NDST4: variants seen among roughly 807,000 people sequenced by gnomAD.
NDST4 encodes N-heparan sulfate sulfotransferase 4.
A neutral mutation model predicts 100.8 loss-of-function variants in NDST4; 63 were observed. The ratio of observed to expected loss-of-function variants is 0.62; its 90% confidence interval spans 0.51 to 0.77. The LOEUF is 0.77. NDST4 is among the 30% of genes least tolerant of loss of function. The pLI, the probability that NDST4 is intolerant of heterozygous loss-of-function variation, is 0.00. For synonymous variants in NDST4, 377 were observed against 361.8 expected (o/e 1.04, Z -0.48); for missense variants, 943 against 1,018.4 (o/e 0.93, Z 1.01).
chr4:114,889,018 G>A (rs1440674229), intron 6 of NDST4, among the ~76,000 whole-genome samples: 1 of 151,694 alleles, frequency 6.6e-6, no homozygotes, highest in Non-Finnish European at 1.5e-5. Flanking sequence ...ATCCCTGCCA[G>A]CTATCAGTTC....
At chr4:115,051,776 A>G (rs1252443316) in intron 2 of NDST4, among the ~76,000 whole-genome samples, 1 of 152,150 alleles carries the variant, frequency 6.6e-6, no homozygotes, top group Admixed American at 6.6e-5. Flanking sequence ...ATATATACCC[A>G]GTAGTGGAAG....
At chr4:115,056,354 T>C (rs1024928065) in intron 2 of NDST4, among the ~76,000 whole-genome samples, 3 of 152,094 alleles carry the variant, frequency 2.0e-5, no homozygotes, top group Non-Finnish European at 4.4e-5. Context: ...AAAACATTTA[T>C]AGTATTAGCT....
intron 6 of NDST4, among the ~76,000 whole-genome samples, chr4:114,930,326 A>AG (rs1254412173): frequency 1.3e-5 from 2 of 152,232 alleles, no homozygotes; most frequent in Non-Finnish European, 1.5e-5. Flanking sequence ...CAAAGATCAC[A>AG]GAGCATCCAT....
intron 6 of NDST4, among the ~76,000 whole-genome samples, chr4:114,911,323 G>T (rs549564077): frequency 2.0e-5 from 3 of 152,100 alleles, no homozygotes; most frequent in Non-Finnish European, 4.4e-5. Context: ...TATGCCAATT[G>T]CTACTCTTTG....
At chr4:114,995,621 G>T (rs1727142284) in intron 2 of NDST4, among the ~76,000 whole-genome samples, 1 of 152,020 alleles carries the variant, frequency 6.6e-6, no homozygotes, top group African/African-American at 2.4e-5. Flanking sequence ...TGATACTTCT[G>T]TGGGAATTTT....
chr4:114,921,744 G>A (rs1725291139), intron 6 of NDST4, among the ~76,000 whole-genome samples: 1 of 152,090 alleles, frequency 6.6e-6, no homozygotes, highest in Non-Finnish European at 1.5e-5. Flanking sequence ...GATTTTCTGA[G>A]TTTGGGTTAT....
At chr4:115,066,052 G>T (rs1728938698) in intron 2 of NDST4, among the ~76,000 whole-genome samples, 2 of 152,214 alleles carry the variant, frequency 1.3e-5, no homozygotes, top group South Asian at 4.1e-4. Flanking sequence ...CTGTCACCCT[G>T]TCTTGGTCCC....
chr4:114,903,796 T>A (rs60317201), intron 6 of NDST4, among the ~76,000 whole-genome samples: 1 of 152,036 alleles, frequency 6.6e-6, no homozygotes, highest in Non-Finnish European at 1.5e-5. Context: ...ACATAGGCAC[T>A]ATTTTTAATA....
intron 6 of NDST4, among the ~76,000 whole-genome samples, chr4:114,904,709 T>A (rs1724914305): frequency 6.6e-6 from 1 of 151,918 alleles, no homozygotes; most frequent in African/African-American, 2.4e-5. Context: ...GAGTTTTTTT[T>A]ACAGGGAATA....
chr4:114,986,992 A>T lies in NDST4; in HGVS notation c.979-9718T>A, dbSNP rs115320937. Among the ~76,000 whole-genome samples, 1,105 of 151,650 alleles carry T rather than the reference A, an allele frequency of 7.3e-3. 11 individuals carry two copies. The highest frequency in any genetic ancestry group is 0.026 in the African/African-American group (1,056 of 41,376). Reference sequence around the variant, plus strand: ...AAAAGCTTCTTATAAGATAATCACAAAAATAACTCATATTTCCTAAAGGCA... The same window carrying T: ...AAAAGCTTCTTATAAGATAATCACATAAATAACTCATATTTCCTAAAGGCA... On this transcript the variant is annotated intron_variant, in intron 2 of 13. Transcript: ENST00000264363.
intron 2 of NDST4, among the ~76,000 whole-genome samples, chr4:115,015,790 A>C (rs76144590): frequency 6.6e-6 from 1 of 151,972 alleles, no homozygotes. Context: ...CCACGGGCTC[A>C]GCAATATGGA....
chr4:114,835,579 A>T (rs1723290645), intron 11 of NDST4, among the ~76,000 whole-genome samples: 1 of 152,198 alleles, frequency 6.6e-6, no homozygotes, highest in Non-Finnish European at 1.5e-5. Flanking sequence ...GGTGTGGAGA[A>T]GAATGTATAT....
At chr4:115,101,192 G>C (rs1729722070) in intron 1 of NDST4, among the ~76,000 whole-genome samples, 1 of 152,028 alleles carries the variant, frequency 6.6e-6, no homozygotes, top group Admixed American at 6.6e-5. Context: ...CATATTCTAT[G>C]ACATAAAAAG....
At chr4:115,085,479 T>C (rs529078) in intron 1 of NDST4, among the ~76,000 whole-genome samples, 34,841 of 151,976 alleles carry the variant, frequency 0.23, 5,361 homozygotes, top group East Asian at 0.45. Context: ...CACCCAAATC[T>C]CATCTCGAAT....
Position 115,054,916 on chromosome 4 carries a change from A to G in NDST4, c.978+21143T>C, listed in dbSNP as rs544588925. Among the ~76,000 whole-genome samples, 4 of 152,242 alleles carry G rather than the reference A, an allele frequency of 2.6e-5. No individual in the cohort carries two copies. The East Asian group carries it at 5.8e-4, about 22-fold the overall frequency. On this transcript the variant is annotated intron_variant, in intron 2 of 13. Transcript: ENST00000264363. ...TTGAGGGTTCCTCCACTCCTGGGCC[A>G]TGGACCAGTACCAGTCTGTGGCCTG...
chr4:114,849,490 C>T (rs1723626147), intron 8 of NDST4, among the ~76,000 whole-genome samples: 1 of 152,128 alleles, frequency 6.6e-6, no homozygotes. Flanking sequence ...ATACCTTAAG[C>T]TCATATGAGC....
chr4:115,071,272 G>C (rs1560589062), intron 2 of NDST4, among the ~76,000 whole-genome samples: 1 of 136,096 alleles, frequency 7.3e-6, no homozygotes, highest in Non-Finnish European at 1.5e-5. Flanking sequence ...ATGAAAGTAT[G>C]CCTTCACACA....
At chr4:115,018,187 T>C (rs1727731411) in intron 2 of NDST4, among the ~76,000 whole-genome samples, 2 of 151,984 alleles carry the variant, frequency 1.3e-5, no homozygotes, top group African/African-American at 4.8e-5. Flanking sequence ...TACTCAAAAG[T>C]ACAAATGAAA....
chr4:114,876,775 T>C (rs2126199198), intron 6 of NDST4, among the ~76,000 whole-genome samples: 1 of 152,340 alleles, frequency 6.6e-6, no homozygotes, highest in South Asian at 2.1e-4. Context: ...AAGTGAAACA[T>C]TCCAATGAAT....
Sources: allele counts gnomAD v4.1 joint callset (sites outside exome capture counted in the v4.1 genomes callset), GRCh38; gene constraint gnomAD v4.1.1; transcripts MANE v1.5; gene names NCBI Gene and HGNC (gene_info 2026-07-23, HGNC 2026-07-21).